Variants in SIK3 observed in about 807,000 individuals in gnomAD.
SIK3 encodes SIK family kinase 3, also known as serine/threonine-protein kinase SIK3.
Under a neutral mutation model 144.2 loss-of-function variants are expected in SIK3, and 28 were observed. That is an observed-to-expected ratio of 0.19 (90% CI 0.14 to 0.27). SIK3 has a LOEUF of 0.27. Ranked by LOEUF, SIK3 falls within the 10% of genes least tolerant of loss-of-function variation. The probability of loss-of-function intolerance (pLI) is 1.00; values close to 1 mark genes in which losing one functional copy is unlikely to be tolerated. For synonymous variants in SIK3, 686 were observed against 676.3 expected, an observed-to-expected ratio of 1.01 and a Z score of -0.22; for missense variants, 1,319 against 1,776.0, an observed-to-expected ratio of 0.74 and a Z score of 4.62.
chr11:116,976,126 G>A (rs1401330114), intron 1 of SIK3, among the ~76,000 whole-genome samples: 3 of 152,136 alleles, frequency 2.0e-5, no homozygotes, highest in African/African-American at 4.8e-5. Context: ...TCAGATGTAC[G>A]ATTTGCAAAC....
At chr11:117,024,945 G>A (rs1430305647) in intron 1 of SIK3, among the ~76,000 whole-genome samples, 2 of 149,760 alleles carry the variant, frequency 1.3e-5, no homozygotes, top group Non-Finnish European at 3.0e-5. Context: ...CAAGCTTTAA[G>A]TAGCTATGGA....
chr11:116,991,405 C>G (rs1161312186), intron 1 of SIK3, among the ~76,000 whole-genome samples: 1 of 152,158 alleles, frequency 6.6e-6, no homozygotes, highest in Non-Finnish European at 1.5e-5. Flanking sequence ...CGAGATCATG[C>G]CACTGCGCTC....
chr11:116,928,359 TAATA>T (rs2135141386), intron 3 of SIK3, among the ~76,000 whole-genome samples: 1 of 152,344 alleles, frequency 6.6e-6, no homozygotes, highest in East Asian at 1.9e-4. Context: ...TAGAAATGTC[TAATA>T]GTCTCATGAG....
At chr11:116,912,441 A>C (rs1488388362) in intron 4 of SIK3, among the ~76,000 whole-genome samples, 1 of 152,238 alleles carries the variant, frequency 6.6e-6, no homozygotes, top group African/African-American at 2.4e-5. Flanking sequence ...ACTTTAGAGC[A>C]ATGAACTTGA....
intron 1 of SIK3, among the ~76,000 whole-genome samples, chr11:117,026,276 A>G (rs548474609): frequency 1.3e-5 from 2 of 152,350 alleles, no homozygotes; most frequent in East Asian, 1.9e-4. Context: ...AGACCATACC[A>G]CATAGCCCTA....
chr11:116,850,103 G>A (rs1359008840), intron 21 of SIK3, among the ~76,000 whole-genome samples: 1 of 152,194 alleles, frequency 6.6e-6, no homozygotes, highest in Admixed American at 6.5e-5. Flanking sequence ...TCCTGGTGCT[G>A]AATCTAACTC....
At chr11:116,968,303 C>T (rs1267680718) in intron 1 of SIK3, among the ~76,000 whole-genome samples, 8 of 152,002 alleles carry the variant, frequency 5.3e-5, no homozygotes, top group African/African-American at 9.7e-5. Context: ...CCACCATGCC[C>T]GGCTAATTTT....
intron 1 of SIK3, chr11:117,036,067 G>A (rs925200139): frequency 2.5e-5 from 24 of 970,472 alleles, no homozygotes; most frequent in Middle Eastern, 2.9e-4. Flanking sequence ...CGTGTGGGTA[G>A]GTCATCACCG....
chr11:116,945,378 TTC>T (rs1235330959), intron 3 of SIK3, among the ~76,000 whole-genome samples: 23 of 135,650 alleles, frequency 1.7e-4, no homozygotes, highest in African/African-American at 6.0e-4. Context: ...GCTTCATGAA[TTC>T]TTTTTTTTTT....
At chr11:116,996,557 C>A (rs918486986) in intron 1 of SIK3, among the ~76,000 whole-genome samples, 6 of 151,926 alleles carry the variant, frequency 3.9e-5, no homozygotes, top group African/African-American at 1.5e-4. Context: ...CGGTGGCTCA[C>A]GCCTGTAATC....
intron 1 of SIK3, among the ~76,000 whole-genome samples, chr11:117,057,568 C>T (rs896566319): frequency 2.6e-5 from 4 of 152,162 alleles, no homozygotes; most frequent in African/African-American, 7.2e-5. Flanking sequence ...TGGAAATTAA[C>T]CAGACAGGTA....
chr11:117,010,962 C>T (rs755086294), intron 1 of SIK3, among the ~76,000 whole-genome samples: 120 of 151,904 alleles, frequency 7.9e-4, no homozygotes, highest in Non-Finnish European at 1.4e-3. Flanking sequence ...TCTCCAAAAG[C>T]TACAAAAATC....
chr11:116,923,160 C>G (rs1947095780), intron 4 of SIK3, among the ~76,000 whole-genome samples: 1 of 152,194 alleles, frequency 6.6e-6, no homozygotes, highest in Non-Finnish European at 1.5e-5. Flanking sequence ...AGGTGATCCA[C>G]CCACCTTGGC....
chr11:116,853,647 G>A (rs1190848168), intron 21 of SIK3, among the ~76,000 whole-genome samples: 2 of 152,196 alleles, frequency 1.3e-5, no homozygotes, highest in African/African-American at 4.8e-5. Flanking sequence ...AAAGGTTCTG[G>A]GGTAACCCCT....
At chr11:116,878,178 G>A (rs1322699223) in intron 6 of SIK3, among the ~76,000 whole-genome samples, 2 of 151,976 alleles carry the variant, frequency 1.3e-5, no homozygotes, top group African/African-American at 2.4e-5. Context: ...TGACTTACAC[G>A]CTGCAAAAGT....
intron 6 of SIK3, among the ~76,000 whole-genome samples, chr11:116,883,142 C>T (rs952486411): frequency 6.6e-6 from 1 of 152,162 alleles, no homozygotes; most frequent in Admixed American, 6.5e-5. Context: ...AATGGATGGC[C>T]TGCAACAGCA....
At chr11:116,884,635 A>G (rs73590473) in intron 6 of SIK3, among the ~76,000 whole-genome samples, 2,013 of 151,362 alleles carry the variant, frequency 0.013, 55 homozygotes, top group African/African-American at 0.046. Flanking sequence ...ACATCTGGCT[A>G]TTTTTTTTAT....
chr11:117,021,227 C>T lies in SIK3; in HGVS notation c.274-64163G>A, dbSNP rs147151309. ...CACAGTCATTCGAGCAGTTTCTACA[C>T]GAGAGAAGAAAGTCTACTGCATCGT... On this transcript the variant is annotated intron_variant, in intron 1 of 24. Transcript: ENST00000445177. Among the ~76,000 whole-genome samples, 318 of 152,206 alleles carry T rather than the reference C, an allele frequency of 2.1e-3. 3 individuals are homozygous for T. Among genetic ancestry groups the T allele is most frequent in the African/African-American group, 7.1e-3 (294 of 41,544 alleles).
At chr11:116,917,913 C>A (rs1946753564) in intron 4 of SIK3, among the ~76,000 whole-genome samples, 1 of 146,676 alleles carries the variant, frequency 6.8e-6, no homozygotes, top group Admixed American at 6.7e-5. Flanking sequence ...ACCTAATTTC[C>A]TTAAACCATA....
Sources: gnomAD v4.1 joint callset for allele counts (sites outside exome capture counted in the v4.1 genomes callset) on GRCh38, gnomAD v4.1.1 for gene constraint, MANE v1.5 for transcripts, NCBI Gene and HGNC (gene_info 2026-07-23, HGNC 2026-07-21) for gene names.